The following EIF2B3 variants were observed in gnomAD, a reference collection of about 807,000 sequenced individuals.
EIF2B3 encodes the protein eukaryotic translation initiation factor 2B subunit gamma.
In EIF2B3, 20 loss-of-function variants were observed where a neutral mutation model predicts 54.1. The observed-to-expected ratio is 0.37, with a 90% CI of 0.26 to 0.54. EIF2B3 has a LOEUF of 0.54. Ranked by LOEUF, EIF2B3 falls within the 20% of genes least tolerant of loss-of-function variation. The pLI is 0.86. For synonymous variants in EIF2B3, 153 were observed against 188.1 expected, an observed-to-expected ratio of 0.81 and a Z score of 1.52; for missense variants, 448 against 547.8, an observed-to-expected ratio of 0.82 and a Z score of 1.82.
intron 5 of EIF2B3, among the ~76,000 whole-genome samples, chr1:44,926,211 G>C (rs1025316066): frequency 6.6e-6 from 1 of 152,304 alleles, no homozygotes; most frequent in East Asian, 1.9e-4. Context: ...CTGGGTGACA[G>C]AGTGAGACTC....
chr1:44,874,561 C>T, intron 10 of EIF2B3, 117 bp downstream of exon 10: 2 of 1,112,392 alleles, frequency 1.8e-6, no homozygotes, highest in East Asian at 2.5e-5. Context: ...TTCTATTGCC[C>T]TCTTGATTAG....
At chr1:44,917,035 T>C (rs1445062721) in intron 5 of EIF2B3, among the ~76,000 whole-genome samples, 1 of 152,178 alleles carries the variant, frequency 6.6e-6, no homozygotes, top group African/African-American at 2.4e-5. Context: ...GTTCCTCTTG[T>C]ATTAAATGTT....
intron 5 of EIF2B3, among the ~76,000 whole-genome samples, chr1:44,905,521 C>T (rs1255447075): frequency 6.6e-6 from 1 of 152,026 alleles, no homozygotes; most frequent in Non-Finnish European, 1.5e-5. Context: ...TTCTCTATGA[C>T]TCACAGCATT....
intron 4 of EIF2B3, among the ~76,000 whole-genome samples, chr1:44,929,872 A>T (rs1442671789): frequency 1.3e-5 from 2 of 152,220 alleles, no homozygotes; most frequent in Admixed American, 6.5e-5. Flanking sequence ...CAGCTATTAC[A>T]GTAACTGGGA....
chr1:44,909,976 T>C (rs1009892346), intron 5 of EIF2B3, among the ~76,000 whole-genome samples: 1 of 152,236 alleles, frequency 6.6e-6, no homozygotes, highest in Non-Finnish European at 1.5e-5. Context: ...CAGATATAGA[T>C]GTCTAAACCT....
Position 44,899,304 on chromosome 1 carries a change from C to T in EIF2B3, c.567-1860G>A, listed in dbSNP as rs72885227. On this transcript the variant is annotated intron_variant, in intron 5 of 11. Transcript: ENST00000360403. ...CATTTCTTTTACTCAAATAAGATCT[C>T]ACATGACTGTTTATAATCAAACATT... Among the ~76,000 whole-genome samples, 1,259 of 152,286 alleles carry T rather than the reference C, an allele frequency of 8.3e-3. 8 individuals carry two copies. The highest frequency in any genetic ancestry group is 0.028 in the African/African-American group (1,177 of 41,552).
chr1:44,856,528 T>TAAAAAAAAAA (rs150728949), intron 11 of EIF2B3, among the ~76,000 whole-genome samples: 1 of 102,386 alleles, frequency 9.8e-6, no homozygotes, highest in African/African-American at 3.3e-5. Flanking sequence ...AAATTAAAAT[T>TAAAAAAAAAA]AAAAAAAAAA....
At chr1:44,885,322 T>C (rs1039036494) in intron 6 of EIF2B3, among the ~76,000 whole-genome samples, 1 of 152,114 alleles carries the variant, frequency 6.6e-6, no homozygotes, top group African/African-American at 2.4e-5. Flanking sequence ...TAAAAAAACA[T>C]ATAAAATATT....
At chr1:44,932,945 T>A (rs1215025762) in intron 4 of EIF2B3, among the ~76,000 whole-genome samples, 1 of 152,126 alleles carries the variant, frequency 6.6e-6, no homozygotes, top group South Asian at 2.1e-4. Flanking sequence ...AATGTGGGTA[T>A]AAAGTAAGAA....
intron 1 of EIF2B3, among the ~76,000 whole-genome samples, chr1:44,982,764 C>CT (rs34092748): frequency 0.16 from 22,488 of 138,624 alleles, 1,936 homozygotes; most frequent in Non-Finnish European, 0.19. Context: ...CCATGCCTGG[C>CT]TTTTTTTTTT....
chr1:44,956,078 G>A lies in EIF2B3; in HGVS notation c.295-14413C>T, dbSNP rs560429925. On this transcript the variant is annotated intron_variant, in intron 3 of 11. Transcript: ENST00000360403. ...ACACATGCACACGTATGTTTACTGCGGCACTGTTCACAATAGCTAAGACTT... is the reference window on the plus strand; with the variant it reads ...ACACATGCACACGTATGTTTACTGCAGCACTGTTCACAATAGCTAAGACTT... 8.5e-5 allele frequency among the ~76,000 whole-genome samples: 13 copies of A among 152,190 alleles called. No individual in the cohort carries two copies. In the South Asian group the frequency reaches 1.7e-3, roughly 19 times the overall value.
chr1:44,950,791 C>T (rs1269919458), intron 3 of EIF2B3, among the ~76,000 whole-genome samples: 2 of 152,066 alleles, frequency 1.3e-5, no homozygotes, highest in African/African-American at 2.4e-5. Context: ...GGGGTTCAAG[C>T]GATTCTTGTG....
At chr1:44,853,719 G>T (rs569554865) in intron 11 of EIF2B3, among the ~76,000 whole-genome samples, 1 of 152,176 alleles carries the variant, frequency 6.6e-6, no homozygotes, top group Non-Finnish European at 1.5e-5. Context: ...AAGATCCCAA[G>T]GGGAAAAATA....
chr1:44,975,422 C>T (rs751660483), intron 3 of EIF2B3, among the ~76,000 whole-genome samples: 8 of 152,164 alleles, frequency 5.3e-5, no homozygotes, highest in Non-Finnish European at 1.0e-4. Context: ...GTATAGCCTA[C>T]TACATACCTA....
intron 11 of EIF2B3, among the ~76,000 whole-genome samples, chr1:44,851,600 G>A (rs1045349981): frequency 2.0e-5 from 3 of 152,154 alleles, no homozygotes; most frequent in African/African-American, 7.2e-5. Flanking sequence ...ATTCTAGGCT[G>A]TTAGAACAGC....
At chr1:44,877,633 C>G (rs1457722448) in intron 8 of EIF2B3, among the ~76,000 whole-genome samples, 1 of 152,146 alleles carries the variant, frequency 6.6e-6, no homozygotes, top group Non-Finnish European at 1.5e-5. Flanking sequence ...GCATCTATCC[C>G]CCAGCCAAAA....
At chr1:44,986,276 A>G (rs1317157247) in intron 1 of EIF2B3, among the ~76,000 whole-genome samples, 2 of 151,952 alleles carry the variant, frequency 1.3e-5, no homozygotes, top group Non-Finnish European at 2.9e-5. Context: ...AGTAGCTGAG[A>G]TTAGAAACTT....
rs1344829106 is a variant in EIF2B3 at position 44,939,865 on chromosome 1, A to G, written c.454+1641T>C. On this transcript the variant is annotated intron_variant, in intron 4 of 11. Transcript: ENST00000360403. ...TACAAAGGAAACAAAAAAATTAATT[A>G]TGAAACATATATCTGTTTATAAAAT... 1.3e-5 allele frequency among the ~76,000 whole-genome samples: 2 copies of G among 152,310 alleles called. 1 individual carries two copies. Among genetic ancestry groups the G allele is most frequent in the South Asian group, 4.1e-4 (2 of 4,830 alleles).
intron 3 of EIF2B3, among the ~76,000 whole-genome samples, chr1:44,963,681 C>T (rs949285558): frequency 2.0e-5 from 3 of 152,132 alleles, no homozygotes; most frequent in African/African-American, 4.8e-5. Context: ...ACTGACTTCC[C>T]ATAAATTGTA....
Sources: gnomAD v4.1 joint callset for allele counts (sites outside exome capture counted in the v4.1 genomes callset) on GRCh38, gnomAD v4.1.1 for gene constraint, MANE v1.5 for transcripts, NCBI Gene and HGNC (gene_info 2026-07-23, HGNC 2026-07-21) for gene names.